SMAD9: variants seen among roughly 807,000 people sequenced by gnomAD.
The protein encoded by SMAD9 is SMAD family member 9, also known as MAD homolog 9.
SMAD9 carries 36 observed loss-of-function variants against 46.1 expected under a neutral mutation model. The ratio of observed to expected loss-of-function variants is 0.78; its 90% CI spans 0.60 to 1.03. The LOEUF (loss-of-function observed/expected upper bound fraction) is 1.03. Among genes scored for constraint, SMAD9 ranks in the 50% least tolerant of loss-of-function variants. SMAD9 has a pLI of 0.00. For missense variants in SMAD9, 572 were observed against 599.8 expected, an observed-to-expected ratio of 0.95 and a Z score of 0.48; for synonymous variants, 245 against 237.1, an observed-to-expected ratio of 1.03 and a Z score of -0.31.
chr13:36,887,504 T>C (rs1056171809), intron 1 of SMAD9, among the ~76,000 whole-genome samples: 4 of 152,080 alleles, frequency 2.6e-5, no homozygotes, highest in African/African-American at 9.7e-5. Context: ...ATTACAGGTG[T>C]GAGCCATTGC....
chr13:36,913,017 T>C (rs1350002347), intron 1 of SMAD9, among the ~76,000 whole-genome samples: 3 of 152,224 alleles, frequency 2.0e-5, no homozygotes, highest in African/African-American at 4.8e-5. Context: ...ATACTTTAAA[T>C]CATCTTAGCT....
upstream of SMAD9, chr13:36,920,315 C>CCCGCCCGCCGCCCGCCGCCCG (rs1555247436): frequency 1.3e-5 from 2 of 149,670 alleles, no homozygotes; most frequent in South Asian, 3.9e-4. Flanking sequence ...GCGGCCCGCC[C>CCCGCCCGCCGCCCGCCGCCCG]CCGCCCGCCG....
intron 3 of SMAD9, among the ~76,000 whole-genome samples, chr13:36,868,560 T>C (rs2058258173): frequency 6.6e-6 from 1 of 152,030 alleles, no homozygotes; most frequent in Non-Finnish European, 1.5e-5. Context: ...GGCAACATGA[T>C]GAGACCCCAT....
At chr13:36,867,544 G>T (rs2058247562) in intron 3 of SMAD9, among the ~76,000 whole-genome samples, 161 bp from the exon 4 acceptor site, 1 of 152,194 alleles carries the variant, frequency 6.6e-6, no homozygotes, top group Non-Finnish European at 1.5e-5. Flanking sequence ...AAGTGACACT[G>T]TGAGTACCCT....
At chr13:36,895,331 A>C (rs1293516346) in intron 1 of SMAD9, among the ~76,000 whole-genome samples, 1 of 152,154 alleles carries the variant, frequency 6.6e-6, no homozygotes, top group Non-Finnish European at 1.5e-5. Context: ...GTATCGATCT[A>C]AAGATCTAGC....
intron 1 of SMAD9, among the ~76,000 whole-genome samples, chr13:36,914,890 A>G (rs2058687317): frequency 6.6e-6 from 1 of 152,258 alleles, no homozygotes; most frequent in Admixed American, 6.5e-5. Context: ...GCCCACAAGT[A>G]CGTAGGACAA....
chr13:36,879,352 C>T lies in SMAD9; in HGVS notation c.338G>A (p.Cys113Tyr). 1 of 1,614,172 alleles carries T rather than the reference C, an allele frequency of 6.2e-7. No homozygotes were observed. The highest frequency in any genetic ancestry group is 8.5e-7 in the Non-Finnish European group (1 of 1,180,036). Residue 113 changes from cysteine (C) to tyrosine (Y), a missense_variant, in exon 2 of 7, where the codon TGT becomes TAT. By Grantham distance (194) the Cys-to-Tyr change is radical. Coordinates refer to ENST00000379826, the MANE Select transcript of SMAD9 (RefSeq NM_001127217.3). ...SHHELKPLEC[C>Y]EFPFGSKQKE... ...CTGCTTGGAGCCAAATGGGAACTCA[C>T]AGCACTCCAGCGGCTTCAGCTCGTG...
intron 1 of SMAD9, among the ~76,000 whole-genome samples, chr13:36,888,789 G>A (rs1156976552): frequency 6.6e-6 from 1 of 152,196 alleles, no homozygotes; most frequent in Non-Finnish European, 1.5e-5. Flanking sequence ...GGAATACAGA[G>A]TGTTTGTGTG....
intron 1 of SMAD9, among the ~76,000 whole-genome samples, chr13:36,898,602 T>C (rs918837619): frequency 1.3e-5 from 2 of 152,172 alleles, no homozygotes; most frequent in Non-Finnish European, 2.9e-5. Context: ...AAAACTGGTA[T>C]TAAATTTGAA....
At chr13:36,915,749 T>C (rs2058693868) in intron 1 of SMAD9, among the ~76,000 whole-genome samples, 1 of 152,230 alleles carries the variant, frequency 6.6e-6, no homozygotes, top group African/African-American at 2.4e-5. Flanking sequence ...TCTAAAGTGT[T>C]ACAACCGTGT....
rs565631052 is a variant in SMAD9 at position 36,866,025 on chromosome 13, A to G, written c.782-267T>C. ...ATTTATAAATGTGTATTGGTCATGAAGGGGCCAGGGAAAACATGACATGAA... is the reference window on the plus strand; with the variant it reads ...ATTTATAAATGTGTATTGGTCATGAGGGGGCCAGGGAAAACATGACATGAA... On this transcript the variant is annotated intron_variant, in intron 4 of 6. Transcript: ENST00000379826. Among the ~76,000 whole-genome samples the G allele has an allele frequency of 2.0e-4, 30 of 152,278 alleles. 1 individual carries two copies. In the East Asian group the frequency reaches 5.4e-3, roughly 27 times the overall value.
intron 5 of SMAD9, among the ~76,000 whole-genome samples, chr13:36,854,784 C>G (rs775449892): frequency 1.3e-5 from 2 of 152,094 alleles, no homozygotes; most frequent in Non-Finnish European, 2.9e-5. Context: ...AAAAATTTAC[C>G]AATACTTATA....
intron 4 of SMAD9, 71 bp from the exon 5 acceptor site, chr13:36,865,829 G>A: frequency 8.1e-7 from 1 of 1,241,824 alleles, no homozygotes; most frequent in Non-Finnish European, 1.2e-6. Context: ...GATTCCACCA[G>A]GAAACTTAGT....
intron 5 of SMAD9, among the ~76,000 whole-genome samples, chr13:36,864,256 T>C (rs1172188967): frequency 6.6e-6 from 1 of 152,234 alleles, no homozygotes; most frequent in African/African-American, 2.4e-5. Flanking sequence ...GAGTTTTTCA[T>C]TTCTTCCCTC....
chr13:36,918,981 C>G (rs559270586), intron 1 of SMAD9, among the ~76,000 whole-genome samples: 3 of 152,296 alleles, frequency 2.0e-5, no homozygotes, highest in South Asian at 2.1e-4. Flanking sequence ...TCCGAGAAAT[C>G]TGGCAAGCCA....
intron 1 of SMAD9, among the ~76,000 whole-genome samples, chr13:36,888,436 T>C (rs1337168636): frequency 2.0e-5 from 3 of 152,208 alleles, no homozygotes; most frequent in Non-Finnish European, 4.4e-5. Flanking sequence ...TGGAAGTCAA[T>C]TAAACCTCTT....
At chr13:36,848,926 C>CT in intron 6 of SMAD9, 107 bp from the exon 7 acceptor site, 1 of 1,032,928 alleles carries the variant, frequency 9.7e-7, no homozygotes. Context: ...AGCGTAGCTC[C>CT]TGAGACCTGA....
rs141647648 is a variant in SMAD9, at chr13:36,846,164, TAGATTA to T, written c.*2506_*2511del. 17,252 of 151,794 alleles carry T rather than the reference TAGATTA, an allele frequency of 0.11. 1,266 individuals carry two copies. The highest frequency in any genetic ancestry group is 0.22 in the Middle Eastern group (64 of 294). The allele number at this position is 151,794 out of a possible 1,614,324, so 9.4% of individuals were successfully genotyped here. On this transcript the variant is annotated 3_prime_UTR_variant, in exon 7 of 7. Transcript: ENST00000379826. Reference sequence around the variant, plus strand: ...TAATGTCATTTATGAGCCACCAGTTTAGATTAATTCTGTAAAGGTGTAAGATTACCA... The same window carrying T: ...TAATGTCATTTATGAGCCACCAGTTTATTCTGTAAAGGTGTAAGATTACCA...
chr13:36,847,378 A>G lies in SMAD9; in HGVS notation c.*1298T>C, dbSNP rs2058044081. 2 of 152,246 alleles carry G rather than the reference A, an allele frequency of 1.3e-5. No homozygotes were observed. The highest frequency in any genetic ancestry group is 4.8e-5 in the African/African-American group (2 of 41,466). The allele number at this position is 152,246 out of a possible 1,614,324, so 9.4% of individuals were successfully genotyped here. A position where few individuals can be genotyped will look rare whatever the true frequency, so the allele number is the denominator to read the frequency against. On this transcript the variant is annotated 3_prime_UTR_variant, in exon 7 of 7. Coordinates refer to ENST00000379826, the MANE Select transcript of SMAD9 (RefSeq NM_001127217.3). ...GCAGTGTTTAGTGCATGGCAAGTAT[A>G]TATATGAAAGTACCTAGAAATTTGG...
Sources: allele counts gnomAD v4.1 joint callset (sites outside exome capture counted in the v4.1 genomes callset), GRCh38; gene constraint gnomAD v4.1.1; transcripts MANE v1.5; gene names NCBI Gene and HGNC (gene_info 2026-07-23, HGNC 2026-07-21).